The following SLC23A3 variants were observed in gnomAD, a reference collection of about 807,000 sequenced individuals.
SLC23A3 encodes E2-binding protein 3.
SLC23A3 carries 41 observed loss-of-function variants against 64.7 expected under a neutral mutation model. That is an observed-to-expected ratio of 0.63 (90% confidence interval 0.49 to 0.82). SLC23A3 has a LOEUF of 0.82. SLC23A3 is among the 40% of genes least tolerant of loss of function. The pLI, the probability that SLC23A3 is intolerant of heterozygous loss-of-function variation, is 0.00. For missense variants in SLC23A3, 647 were observed against 733.4 expected (o/e 0.88, Z 1.36); for synonymous variants, 281 against 306.8 (o/e 0.92, Z 0.88).
intron 9 of SLC23A3, 139 bp from the exon 10 acceptor site, chr2:219,163,694 GTTTTTTT>G: frequency 1.2e-6 from 1 of 860,698 alleles, no homozygotes; most frequent in African/African-American, 1.7e-5. Context: ...TTGTTTTTTT[GTTTTTTT>G]GGTTTTTTTT....
At chr2:219,168,978 C>A (rs773135357) in intron 4 of SLC23A3, 51 bp downstream of exon 4, 27 of 1,579,568 alleles carry the variant, frequency 1.7e-5, no homozygotes, top group Middle Eastern at 3.3e-4. Flanking sequence ...AAACAAGAGC[C>A]CCCCCCAAGC....
Position 219,168,288 on chromosome 2 carries a change from C to G in SLC23A3, c.705G>C (p.Gln235His). The change falls in exon 6 of 12, where the codon CAG becomes CAC. Residue 235 changes from glutamine (Q) to histidine (H), a missense_variant. Transcript: ENST00000409878. Reference protein sequence around the residue: ...LVILLMVVCSQHLGSCQFHVC... With the variant: ...LVILLMVVCSHHLGSCQFHVC... ...CATGAAACTGGCAGGAGCCCAGGTGCTGAGAACAGACCACCATGAGCAGGA... is the reference window on the plus strand; with the variant it reads ...CATGAAACTGGCAGGAGCCCAGGTGGTGAGAACAGACCACCATGAGCAGGA... 6.2e-7 allele frequency: 1 copy of G among 1,612,348 alleles called. No homozygotes were observed. The highest frequency in any genetic ancestry group is 8.5e-7 in the Non-Finnish European group (1 of 1,179,154).
In SLC23A3 at chr2:219,169,023, A is replaced by G. The variant is rs1220738753; in HGVS notation, c.492+6T>C. The stretch of plus-strand genomic sequence containing the variant: ...CCCTTATCCCTTCTCACCTCCAGAT[A>G]CCCACCTCCTGGAGAGAAGTGTTCC... On this transcript the variant is annotated splice_donor_region_variant and intron_variant, in intron 4 of 11. Transcript: ENST00000409878. The surrounding 1 kb of genome is among the most constrained non-coding windows in gnomAD (Gnocchi z 4.5). 6.2e-7 allele frequency: 1 copy of G among 1,612,456 alleles called. No individual in the cohort carries two copies.
intron 10 of SLC23A3, 45 bp downstream of exon 10, chr2:219,163,343 A>G (rs1359754075): frequency 6.9e-6 from 11 of 1,595,612 alleles, no homozygotes; most frequent in South Asian, 1.1e-5. Context: ...TGAAGCCTCA[A>G]CTTGCTTTCC....
Position 219,165,219 on chromosome 2 carries a change from T to A in SLC23A3, c.1117A>T (p.Met373Leu), listed in dbSNP as rs573276187. 6.4e-7 allele frequency: 1 copy of A among 1,551,648 alleles called. No individual in the cohort carries two copies. Among genetic ancestry groups the A allele is most frequent in the Non-Finnish European group, 8.7e-7 (1 of 1,147,042 alleles). The stretch of plus-strand genomic sequence containing the variant: ...TTGGGGAAGCTGGATGCAGTGCCCA[T>A]GGGGCTTCCCAGCAGCCCGGCCAGC... ...SVLAGLLGSP[M>L]GTASSFPNVG... is the part of the protein sequence containing the mutation. Residue 373 changes from methionine to leucine, a missense_variant, in exon 8 of 12, where the codon ATG (methionine) becomes TTG (leucine). Transcript: ENST00000409878.
Position 219,169,777 on chromosome 2 carries a change from A to ACG in SLC23A3, c.162+45_162+46insCG. 2 of 1,612,598 alleles carry ACG rather than the reference A, an allele frequency of 1.2e-6. No individual in the cohort carries two copies. Among genetic ancestry groups the ACG allele is most frequent in the Non-Finnish European group, 1.7e-6 (2 of 1,179,360 alleles). The stretch of plus-strand genomic sequence containing the variant: ...ATGCCACATCTACACCTACTTCCCC[A>ACG]CACACACCATCAGGCAGCACCAACT... On this transcript the variant is annotated intron_variant, in intron 1 of 11. Transcript: ENST00000409878. The surrounding 1 kb of genome is among the most constrained non-coding windows in gnomAD (Gnocchi z 4.5).
chr2:219,167,457 C>G (rs1950014308), intron 7 of SLC23A3, among the ~76,000 whole-genome samples: 1 of 151,872 alleles, frequency 6.6e-6, no homozygotes, highest in African/African-American at 2.4e-5. Context: ...CTAACACTGA[C>G]CCAAATAAAA....
intron 9 of SLC23A3, among the ~76,000 whole-genome samples, chr2:219,163,986 G>A (rs1949977134): frequency 6.6e-6 from 1 of 152,068 alleles, no homozygotes; most frequent in African/African-American, 2.4e-5. Context: ...ACAGGTGTGG[G>A]CCACCACGCC....
At position 219,161,711 on chromosome 2, in the gene SLC23A3, G is replaced by A; in HGVS notation, c.*198C>T. ...AATCATTCATGGTCCACTAAATCAT[G>A]GCCTCTGCTCTGGAACAGTTAGGCC... On this transcript the variant is annotated 3_prime_UTR_variant, in exon 12 of 12. Transcript: ENST00000409878. 1 of 482,660 alleles carries A rather than the reference G, an allele frequency of 2.1e-6. No homozygotes were observed. Among genetic ancestry groups the A allele is most frequent in the Admixed American group, 3.6e-5 (1 of 27,672 alleles). 29.9% of individuals were successfully genotyped at this position (482,660 alleles called of 1,614,324 possible). A position where few individuals can be genotyped will look rare whatever the true frequency, so the allele number is the denominator to read the frequency against.
intron 5 of SLC23A3, 42 bp downstream of exon 5, chr2:219,168,610 C>T (rs773676001): frequency 4.4e-6 from 7 of 1,591,544 alleles, no homozygotes; most frequent in South Asian, 2.3e-5. Context: ...CCCCCATACA[C>T]CCCCACTGGG....
At chr2:219,168,618 G>A in intron 5 of SLC23A3, 34 bp downstream of exon 5, 4 of 1,603,310 alleles carry the variant, frequency 2.5e-6, no homozygotes, top group Non-Finnish European at 3.4e-6. Context: ...CACCCCCACT[G>A]GGCACCATCC....
In SLC23A3 at chr2:219,169,494, C is replaced by T; in HGVS notation, c.320+27G>A. ...CCTCTCCTACCCTCCAGGACTCTGCCCCTCTCTCCAGGGAGGTTCCTCTCA... is the reference window on the plus strand; with the variant it reads ...CCTCTCCTACCCTCCAGGACTCTGCTCCTCTCTCCAGGGAGGTTCCTCTCA... On this transcript the variant is annotated intron_variant, in intron 2 of 11. Transcript: ENST00000409878. This position sits in a 1 kb window ranked among gnomAD's most constrained non-coding sequence, Gnocchi z 4.5. 2 of 1,613,818 alleles carry T rather than the reference C, an allele frequency of 1.2e-6. No homozygotes were observed. The highest frequency in any genetic ancestry group is 1.7e-6 in the Non-Finnish European group (2 of 1,179,830).
chr2:219,165,808 C>T (rs895303470), intron 7 of SLC23A3, among the ~76,000 whole-genome samples: 4 of 152,218 alleles, frequency 2.6e-5, no homozygotes, highest in African/African-American at 9.6e-5. Flanking sequence ...CTCATCTCTT[C>T]CATCTCAACT....
rs138006310 is a variant in SLC23A3, at chr2:219,164,662, C to T, written c.1168-324G>A. ...GCAACCTCTGCCTCCCAGGCTCAAG[C>T]GATTCTCCTGCCTCAGCCTCCTGAG... On this transcript the variant is annotated intron_variant, in intron 8 of 11. Transcript: ENST00000409878. The T allele has an allele frequency of 7.1e-3, 1,840 of 258,554 alleles. 37 individuals are homozygous for T. Among genetic ancestry groups the T allele is most frequent in the African/African-American group, 0.039 (1,693 of 43,846 alleles). The allele number at this position is 258,554 out of a possible 1,614,324, so 16.0% of individuals were successfully genotyped here. A position where few individuals can be genotyped will look rare whatever the true frequency, so the allele number is the denominator to read the frequency against.
chr2:219,169,897 T>G lies in SLC23A3; in HGVS notation c.88A>C (p.Asn30His), dbSNP rs1950045036. 2 of 1,613,392 alleles carry G rather than the reference T, an allele frequency of 1.2e-6. No individual in the cohort carries two copies. Among genetic ancestry groups the G allele is most frequent in the African/African-American group, 2.7e-5 (2 of 74,824 alleles). Reference protein sequence around the residue: ...LAPLPPPAPQNPSTHSWDPLC... With the variant: ...LAPLPPPAPQHPSTHSWDPLC... ...GGGTCCCAAGAGTGGGTGGAGGGAT[T>G]CTGGGGAGCAGGTGGAGGCAAGGGG... Residue 30 changes from asparagine (N) to histidine (H), a missense_variant, in exon 1 of 12, where the codon AAT (asparagine) becomes CAT (histidine). Transcript: ENST00000409878. The surrounding 1 kb of genome is among the most constrained non-coding windows in gnomAD (Gnocchi z 4.5).
In SLC23A3 at chr2:219,169,595, G is replaced by A. The variant is rs753045321; in HGVS notation, c.246C>T (p.Ser82=). 12 of 1,614,110 alleles carry A rather than the reference G, an allele frequency of 7.4e-6. No individual in the cohort carries two copies. The highest frequency in any genetic ancestry group is 9.3e-6 in the Non-Finnish European group (11 of 1,180,054). The change falls in exon 2 of 12, where the codon TCC becomes TCT. Residue 82 remains serine, a synonymous_variant. Transcript: ENST00000409878. This position sits in a 1 kb window ranked among gnomAD's most constrained non-coding sequence, Gnocchi z 4.5. ...AGCTGGAGGCCAGGAGCTGAGAAGG[G>A]GAGTAAGAGAGTCCTCCTGGGGAGA... is the stretch of plus-strand genomic sequence containing the variant. The part of the protein sequence containing the change: ...CSLSPGGLSY[S]PSQLLASSFF...
In SLC23A3 at chr2:219,169,874, G is replaced by A. The variant is rs1043764118; in HGVS notation, c.111C>T (p.Asp37=). The change falls in exon 1 of 12, where the codon GAC becomes GAT. Residue 37 remains aspartate, a synonymous_variant. Coordinates refer to ENST00000409878, the MANE Select transcript of SLC23A3 (RefSeq NM_001144889.2). The surrounding 1 kb of genome is among the most constrained non-coding windows in gnomAD (Gnocchi z 4.5). ...APQNPSTHSW[D]PLCGSLPWGL... ...CCCAAGGCAGAGATCCACACAAAGG[G>A]TCCCAAGAGTGGGTGGAGGGATTCT... 6 of 1,613,768 alleles carry A rather than the reference G, an allele frequency of 3.7e-6. No individual in the cohort carries two copies. The Admixed American group carries it at 6.7e-5, about 18-fold the overall frequency.
intron 5 of SLC23A3, 150 bp downstream of exon 5, chr2:219,168,502 T>C: frequency 9.1e-7 from 1 of 1,100,100 alleles, no homozygotes; most frequent in Non-Finnish European, 1.3e-6. Context: ...GGAGACCAGA[T>C]GAATCAAGGA....
chr2:219,164,117 T>C (rs117781413), intron 9 of SLC23A3, 116 bp downstream of exon 9: 145 of 675,524 alleles, frequency 2.1e-4, no homozygotes, highest in East Asian at 2.1e-3. Context: ...CATCCATCCA[T>C]CCACCCATCC....
Sources: gnomAD v4.1 joint callset for allele counts (sites outside exome capture counted in the v4.1 genomes callset) on GRCh38, gnomAD v4.1.1 for gene constraint, Gnocchi (gnomAD v3.1) non-coding constraint, MANE v1.5 for transcripts, NCBI Gene and HGNC (gene_info 2026-07-23, HGNC 2026-07-21) for gene names.